The following PAK1 variants were observed in gnomAD, a reference collection of about 807,000 sequenced individuals.
PAK1 encodes serine/threonine-protein kinase PAK 1.
A neutral mutation model predicts 67.4 loss-of-function variants in PAK1; 29 were observed. The ratio of observed to expected loss-of-function variants is 0.43; its 90% CI spans 0.32 to 0.59. The LOEUF (loss-of-function observed/expected upper bound fraction) is 0.59, where lower values mean the gene tolerates loss of function less well. Among genes scored for constraint, PAK1 ranks in the 20% least tolerant of loss-of-function variants. The probability of loss-of-function intolerance (pLI) is 0.07; values close to 1 mark genes in which losing one functional copy is unlikely to be tolerated. For missense variants in PAK1, 337 were observed against 670.7 expected, an observed-to-expected ratio of 0.50 and a Z score of 5.50; for synonymous variants, 223 against 237.4, an observed-to-expected ratio of 0.94 and a Z score of 0.56.
chr11:77,406,415 C>T (rs532050277), intron 1 of PAK1, among the ~76,000 whole-genome samples: 14 of 152,276 alleles, frequency 9.2e-5, no homozygotes, highest in African/African-American at 1.4e-4. Context: ...AAAGGAGCAA[C>T]GATATGCTTT....
chr11:77,511,057 A>G, the PAK1 span, among the ~76,000 whole-genome samples: 3 of 152,202 alleles, frequency 2.0e-5, no homozygotes, highest in Non-Finnish European at 4.4e-5. Context: ...GCTTTTTTTC[A>G]TAACGAGCAG....
intron 14 of PAK1, among the ~76,000 whole-genome samples, chr11:77,330,050 TA>T (rs1941095095): frequency 6.6e-6 from 1 of 151,902 alleles, no homozygotes; most frequent in Non-Finnish European, 1.5e-5. Context: ...TCAAAGAGAA[TA>T]AAATACCTAG....
intron 8 of PAK1, 83 bp downstream of exon 8, chr11:77,353,452 GA>G (rs1945562250): frequency 1.1e-6 from 1 of 896,326 alleles, no homozygotes; most frequent in African/African-American, 1.7e-5. Context: ...AGGTTTATGA[GA>G]GGCAAAAAAA....
intron 5 of PAK1, among the ~76,000 whole-genome samples, chr11:77,369,391 T>A (rs1008175858): frequency 6.6e-6 from 1 of 151,314 alleles, no homozygotes; most frequent in Non-Finnish European, 1.5e-5. Context: ...ATATTTTATA[T>A]TATTAATTCC....
intron 1 of PAK1, among the ~76,000 whole-genome samples, chr11:77,419,375 C>T (rs1053846444): frequency 2.6e-5 from 4 of 152,250 alleles, no homozygotes; most frequent in Admixed American, 2.0e-4. Flanking sequence ...AAATAATTAA[C>T]AAATTATTCT....
upstream of PAK1, among the ~76,000 whole-genome samples, chr11:77,479,084 CAAAA>C (rs757138155): frequency 2.3e-5 from 2 of 88,720 alleles, no homozygotes; most frequent in African/African-American, 4.0e-5. Context: ...GACTCCGTCT[CAAAA>C]AAAAAAAAAA....
chr11:77,492,210 C>G, the PAK1 span, among the ~76,000 whole-genome samples: 1 of 152,120 alleles, frequency 6.6e-6, no homozygotes, highest in Non-Finnish European at 1.5e-5. Flanking sequence ...TGGCAGGTGC[C>G]TGTAATCCCA....
At chr11:77,436,502 C>T (rs1176235188) in intron 1 of PAK1, among the ~76,000 whole-genome samples, 1 of 152,156 alleles carries the variant, frequency 6.6e-6, no homozygotes, top group African/African-American at 2.4e-5. Flanking sequence ...CTCTTAATTA[C>T]CTCTCATGTG....
intron 10 of PAK1, among the ~76,000 whole-genome samples, chr11:77,341,345 G>T (rs1178466236): frequency 6.6e-6 from 1 of 152,164 alleles, no homozygotes; most frequent in African/African-American, 2.4e-5. Context: ...GTTTATAGGA[G>T]CCCCTTAAAA....
intron 1 of PAK1, among the ~76,000 whole-genome samples, chr11:77,432,302 T>TA (rs11459392): frequency 0.45 from 68,775 of 152,044 alleles, 18,562 homozygotes; most frequent in African/African-American, 0.77. Context: ...CTTAATCTGA[T>TA]AAAGGCATCT....
intron 1 of PAK1, among the ~76,000 whole-genome samples, chr11:77,459,853 C>T (rs1565718266): frequency 6.6e-6 from 1 of 151,982 alleles, no homozygotes; most frequent in African/African-American, 2.4e-5. Flanking sequence ...CCCGCCACCG[C>T]GCCTGGCTAA....
chr11:77,469,835 T>A (rs1957768366), intron 1 of PAK1, among the ~76,000 whole-genome samples: 1 of 152,182 alleles, frequency 6.6e-6, no homozygotes, highest in Admixed American at 6.5e-5. Flanking sequence ...TTATTTTTAG[T>A]TGATATGTAA....
chr11:77,507,106 A>G, the PAK1 span, among the ~76,000 whole-genome samples: 1 of 152,236 alleles, frequency 6.6e-6, no homozygotes, highest in African/African-American at 2.4e-5. Context: ...TTAGGAAATT[A>G]CAATGAGAAC....
At chr11:77,389,006 A>AT (rs1370572906) in intron 2 of PAK1, among the ~76,000 whole-genome samples, 2 of 152,238 alleles carry the variant, frequency 1.3e-5, no homozygotes, top group Non-Finnish European at 2.9e-5. Flanking sequence ...CTGGACAGGT[A>AT]TCACCAAAAT....
At chr11:77,471,352 T>C (rs549304351) in intron 1 of PAK1, among the ~76,000 whole-genome samples, 7 of 152,218 alleles carry the variant, frequency 4.6e-5, no homozygotes, top group South Asian at 2.1e-4. Context: ...AAAGGGCTTA[T>C]TAAAGAAAAG....
chr11:77,362,946 G>C (rs58110154), intron 5 of PAK1, among the ~76,000 whole-genome samples: 3,192 of 152,258 alleles, frequency 0.021, 108 homozygotes, highest in African/African-American at 0.073. Flanking sequence ...GTAAAAATTA[G>C]TGGGTCTGAT....
chr11:77,469,878 A>T (rs1364097747), intron 1 of PAK1, among the ~76,000 whole-genome samples: 1 of 152,154 alleles, frequency 6.6e-6, no homozygotes, highest in Non-Finnish European at 1.5e-5. Flanking sequence ...TTTGAGATGT[A>T]TATAATTCGT....
intron 5 of PAK1, among the ~76,000 whole-genome samples, chr11:77,359,653 C>T (rs1946514494): frequency 6.6e-6 from 1 of 152,080 alleles, no homozygotes; most frequent in African/African-American, 2.4e-5. Flanking sequence ...TTCTGCCCTA[C>T]CCTGGAATGG....
chr11:77,409,390 T>C (rs921272570), intron 1 of PAK1, among the ~76,000 whole-genome samples: 4 of 152,182 alleles, frequency 2.6e-5, no homozygotes, highest in Admixed American at 2.6e-4. Flanking sequence ...GAGAATAGCA[T>C]GGAGGTTCCT....
Sources: gnomAD v4.1 joint callset for allele counts (sites outside exome capture counted in the v4.1 genomes callset) on GRCh38, gnomAD v4.1.1 for gene constraint, MANE v1.5 for transcripts, NCBI Gene and HGNC (gene_info 2026-07-23, HGNC 2026-07-21) for gene names.